The following CNTNAP2 variants were observed in gnomAD, a reference collection of about 807,000 sequenced individuals.
CNTNAP2 encodes the protein contactin associated protein 2, also known as contactin-associated protein-like 2.
Under a neutral mutation model 155.2 loss-of-function variants are expected in CNTNAP2, and 98 were observed. The observed-to-expected ratio is 0.63, with a 90% CI of 0.54 to 0.75. The LOEUF is 0.75. Ranked by LOEUF, CNTNAP2 falls within the 30% of genes least tolerant of loss-of-function variation. The pLI, the probability that CNTNAP2 is intolerant of heterozygous loss-of-function variation, is 0.00. For missense variants in CNTNAP2, 1,727 were observed against 1,688.1 expected (o/e 1.02, Z -0.40); for synonymous variants, 651 against 631.2 (o/e 1.03, Z -0.47).
chr7:146,921,757 A>G (rs1020381102), intron 3 of CNTNAP2, among the ~76,000 whole-genome samples: 3 of 152,160 alleles, frequency 2.0e-5, no homozygotes, highest in Admixed American at 2.0e-4. Flanking sequence ...CAGCCAAACC[A>G]TTTCAGGTGG....
chr7:146,956,377 C>G (rs903657600), intron 3 of CNTNAP2, among the ~76,000 whole-genome samples: 2 of 152,084 alleles, frequency 1.3e-5, no homozygotes, highest in African/African-American at 2.4e-5. Context: ...ATCTTGTTTA[C>G]TCCTATTTAT....
intron 15 of CNTNAP2, among the ~76,000 whole-genome samples, chr7:148,030,627 C>CA (rs1802458943): frequency 6.8e-6 from 1 of 146,678 alleles, no homozygotes; most frequent in South Asian, 2.1e-4. Context: ...TGTAGAGTTA[C>CA]AAAAAACATG....
chr7:147,995,680 A>AT (rs1428284841), intron 15 of CNTNAP2, among the ~76,000 whole-genome samples: 1 of 151,756 alleles, frequency 6.6e-6, no homozygotes, highest in Non-Finnish European at 1.5e-5. Flanking sequence ...TGCCCAGCTA[A>AT]TTTTTTGTAT....
At chr7:147,930,303 G>A (rs2538956) in intron 14 of CNTNAP2, among the ~76,000 whole-genome samples, 88,765 of 152,020 alleles carry the variant, frequency 0.58, 28,931 homozygotes, top group African/African-American at 0.86. Context: ...AAACAACAAC[G>A]ACAAAAGATC....
intron 10 of CNTNAP2, among the ~76,000 whole-genome samples, chr7:147,469,101 G>C (rs1383716145): frequency 6.6e-6 from 1 of 152,060 alleles, no homozygotes; most frequent in African/African-American, 2.4e-5. Flanking sequence ...GGGGTTACAG[G>C]CATGAGCTGC....
rs139376286 is a variant in CNTNAP2, at chr7:147,184,682, G to A, written c.1348+52173G>A. Reference sequence around the variant, plus strand: ...TAATTGTGAGTCAGCACATTAATTGGAGAGGAAATGAGGGAAGGAAAAGGG... The same window carrying A: ...TAATTGTGAGTCAGCACATTAATTGAAGAGGAAATGAGGGAAGGAAAAGGG... On this transcript the variant is annotated intron_variant, in intron 8 of 23. Transcript: ENST00000361727. 8.5e-4 allele frequency among the ~76,000 whole-genome samples: 129 copies of A among 152,174 alleles called. 2 individuals are homozygous for A. The East Asian group carries it at 0.023, about 28-fold the overall frequency.
intron 10 of CNTNAP2, among the ~76,000 whole-genome samples, chr7:147,402,641 G>A (rs1396138482): frequency 6.6e-6 from 1 of 152,120 alleles, no homozygotes; most frequent in Non-Finnish European, 1.5e-5. Context: ...GCCCTATAGG[G>A]ACACACAGTG....
intron 20 of CNTNAP2, among the ~76,000 whole-genome samples, chr7:148,247,651 A>ATTTTTTTT (rs1299873575): frequency 8.2e-6 from 1 of 121,560 alleles, no homozygotes. Context: ...TTATTTATTT[A>ATTTTTTTT]TTTATTTATT....
At chr7:146,747,565 A>G (rs1264307119) in intron 1 of CNTNAP2, among the ~76,000 whole-genome samples, 3 of 152,202 alleles carry the variant, frequency 2.0e-5, no homozygotes, top group Admixed American at 6.5e-5. Context: ...CTAAATGTTC[A>G]GTGCAAACAT....
chr7:147,688,589 A>G (rs908214179), intron 13 of CNTNAP2, among the ~76,000 whole-genome samples: 1 of 152,008 alleles, frequency 6.6e-6, no homozygotes, highest in African/African-American at 2.4e-5. Context: ...TTTTAACATT[A>G]TTTTTCTCCT....
chr7:147,457,039 C>T (rs1218032972), intron 10 of CNTNAP2, among the ~76,000 whole-genome samples: 1 of 152,068 alleles, frequency 6.6e-6, no homozygotes, highest in African/African-American at 2.4e-5. Flanking sequence ...AGTAGTCAGG[C>T]CTTCGATATG....
chr7:146,670,504 T>C (rs538757826), intron 1 of CNTNAP2, among the ~76,000 whole-genome samples: 1 of 152,276 alleles, frequency 6.6e-6, no homozygotes, highest in African/African-American at 2.4e-5. Context: ...GCCCTGTTTA[T>C]AGTCTTATAG....
chr7:146,692,253 G>A (rs1401217090), intron 1 of CNTNAP2, among the ~76,000 whole-genome samples: 1 of 152,120 alleles, frequency 6.6e-6, no homozygotes, highest in African/African-American at 2.4e-5. Flanking sequence ...TCACAGTGGT[G>A]AGCATGTAAA....
chr7:146,638,476 C>CTTTTTTTTTT lies in CNTNAP2; in HGVS notation c.98-135782_98-135773dup, dbSNP rs879600389. 1.9e-3 allele frequency among the ~76,000 whole-genome samples: 125 copies of CTTTTTTTTTT among 64,334 alleles called. 9 individuals carry two copies. The highest frequency in any genetic ancestry group is 0.012 in the East Asian group (23 of 1,878). The allele number at this position is 64,334 out of a possible 152,430, so 42.2% of individuals were successfully genotyped here. A position where few individuals can be genotyped will look rare whatever the true frequency, so the allele number is the denominator to read the frequency against. ...AACAGTTTAATACAGTCAGGTGTTT[C>CTTTTTTTTTT]TTTTTTTTTTTTTTTTTTTTTTCTT... On this transcript the variant is annotated intron_variant, in intron 1 of 23. Transcript: ENST00000361727.
intron 14 of CNTNAP2, among the ~76,000 whole-genome samples, chr7:147,950,838 T>A (rs901070374): frequency 1.3e-5 from 2 of 152,228 alleles, no homozygotes; most frequent in African/African-American, 4.8e-5. Context: ...AACATTCTTA[T>A]CACCAGAGAT....
chr7:146,618,382 A>G (rs771346832), intron 1 of CNTNAP2, among the ~76,000 whole-genome samples: 2 of 152,210 alleles, frequency 1.3e-5, no homozygotes, highest in Non-Finnish European at 2.9e-5. Context: ...GTATTATTTC[A>G]TGAGATTAAT....
Position 146,701,726 on chromosome 7 carries a change from A to G in CNTNAP2, c.98-72545A>G, listed in dbSNP as rs533494570. Among the ~76,000 whole-genome samples, 184 of 152,236 alleles carry G rather than the reference A, an allele frequency of 1.2e-3. 3 individuals are homozygous for G. The highest frequency in any genetic ancestry group is 6.2e-4 in the South Asian group (3 of 4,832). ...TTAATAGTATGACATCTACTTTGAC[A>G]TCATCCTTGAAAATATATTATACTC... On this transcript the variant is annotated intron_variant, in intron 1 of 23. Coordinates refer to ENST00000361727, the MANE Select transcript of CNTNAP2 (RefSeq NM_014141.6).
At chr7:148,304,784 CA>C (rs1049523612) in intron 21 of CNTNAP2, among the ~76,000 whole-genome samples, 1 of 152,204 alleles carries the variant, frequency 6.6e-6, no homozygotes, top group African/African-American at 2.4e-5. Context: ...TCACAGCCAA[CA>C]ACTCTCCTCC....
chr7:148,050,237 A>G (rs950207296), intron 15 of CNTNAP2, among the ~76,000 whole-genome samples: 3 of 152,210 alleles, frequency 2.0e-5, no homozygotes, highest in Non-Finnish European at 4.4e-5. Flanking sequence ...CATTGTTACC[A>G]TAGGAGCTGG....
Sources: allele counts gnomAD v4.1 joint callset (sites outside exome capture counted in the v4.1 genomes callset), GRCh38; gene constraint gnomAD v4.1.1; transcripts MANE v1.5; gene names NCBI Gene and HGNC (gene_info 2026-07-23, HGNC 2026-07-21).